The following GARNL3 variants were observed in gnomAD, a reference collection of about 807,000 sequenced individuals.
The protein encoded by GARNL3 is GTPase-activating Rap/Ran-GAP domain-like protein 3.
In GARNL3, 63 loss-of-function variants were observed where a neutral mutation model predicts 125.0. The ratio of observed to expected loss-of-function variants is 0.50; its 90% CI spans 0.41 to 0.62. The LOEUF (loss-of-function observed/expected upper bound fraction) is 0.62, where lower values mean the gene tolerates loss of function less well. Among genes scored for constraint, GARNL3 ranks in the 20% least tolerant of loss-of-function variants. GARNL3 has a pLI of 0.00. For synonymous variants in GARNL3, 439 were observed against 457.5 expected, an observed-to-expected ratio of 0.96 and a Z score of 0.52; for missense variants, 994 against 1,244.0, an observed-to-expected ratio of 0.80 and a Z score of 3.02.
chr9:127,272,478 G>T (rs1405179069), intron 1 of GARNL3, among the ~76,000 whole-genome samples: 2 of 149,362 alleles, frequency 1.3e-5, no homozygotes, highest in African/African-American at 2.6e-5. Flanking sequence ...GTCTCACATA[G>T]CAGGCCAACT....
chr9:127,374,059 T>C (rs1486841489), intron 22 of GARNL3, among the ~76,000 whole-genome samples: 1 of 151,852 alleles, frequency 6.6e-6, no homozygotes, highest in Non-Finnish European at 1.5e-5. Flanking sequence ...CCAGGCACTT[T>C]AGGAGGCCGA....
intron 2 of GARNL3, chr9:127,300,781 G>A (rs1176192729): frequency 7.9e-6 from 3 of 377,586 alleles, no homozygotes; most frequent in South Asian, 4.1e-5. Context: ...TCTACAGTAA[G>A]TTTTGCAGAT....
chr9:127,317,104 G>A (rs968715732), intron 4 of GARNL3, among the ~76,000 whole-genome samples: 1 of 152,144 alleles, frequency 6.6e-6, no homozygotes, highest in African/African-American at 2.4e-5. Flanking sequence ...TAGACGATTA[G>A]GAAGAGAATA....
At chr9:127,235,225 T>C (rs757972906) in intron 1 of GARNL3, among the ~76,000 whole-genome samples, 10 of 151,184 alleles carry the variant, frequency 6.6e-5, no homozygotes, top group Non-Finnish European at 1.3e-4. Flanking sequence ...TTTACACTTA[T>C]AGCACATCTC....
intron 21 of GARNL3, among the ~76,000 whole-genome samples, chr9:127,359,966 T>G (rs1830896730): frequency 6.6e-6 from 1 of 152,090 alleles, no homozygotes; most frequent in South Asian, 2.1e-4. Flanking sequence ...CTCTCTTCTA[T>G]GTGCTTCTTA....
chr9:127,290,449 A>G (rs368590181), intron 1 of GARNL3, among the ~76,000 whole-genome samples: 37 of 152,318 alleles, frequency 2.4e-4, no homozygotes, highest in African/African-American at 8.9e-4. Flanking sequence ...TCTGCTGCAG[A>G]TCTTTGTTGC....
intron 20 of GARNL3, among the ~76,000 whole-genome samples, chr9:127,355,968 G>A (rs778997693): frequency 5.3e-5 from 8 of 152,152 alleles, no homozygotes; most frequent in Admixed American, 6.5e-5. Flanking sequence ...GGATATTCCA[G>A]GCAGAGGGAG....
intron 2 of GARNL3, among the ~76,000 whole-genome samples, chr9:127,291,690 G>C (rs527854143): frequency 3.3e-5 from 5 of 149,684 alleles, no homozygotes; most frequent in African/African-American, 1.2e-4. Context: ...GGGCTCTCTG[G>C]GTCTTCCTTG....
At chr9:127,313,267 G>A in intron 3 of GARNL3, 174 bp from the exon 4 acceptor site, 1 of 612,874 alleles carries the variant, frequency 1.6e-6, no homozygotes, top group Non-Finnish European at 2.9e-6. Context: ...TCACTAGCAA[G>A]GGGCAGAGGA....
At chr9:127,342,681 C>G (rs1829925354) in intron 14 of GARNL3, among the ~76,000 whole-genome samples, 1 of 151,966 alleles carries the variant, frequency 6.6e-6, no homozygotes, top group African/African-American at 2.4e-5. Flanking sequence ...TCAGCATTGC[C>G]AGTCACATGA....
intron 22 of GARNL3, among the ~76,000 whole-genome samples, chr9:127,378,765 T>TTTTGTTTG: frequency 6.6e-6 from 1 of 152,096 alleles, no homozygotes; most frequent in African/African-American, 2.4e-5. Flanking sequence ...TATATATATT[T>TTTTGTTTG]TTTGTTTGTT....
chr9:127,331,688 G>A (rs1305175573), intron 7 of GARNL3, among the ~76,000 whole-genome samples: 1 of 117,424 alleles, frequency 8.5e-6, no homozygotes, highest in East Asian at 3.2e-4. Flanking sequence ...TTGCACATTT[G>A]TACCAGCTAC....
At chr9:127,252,706 A>G (rs1235690686) in intron 2 of GARNL3, among the ~76,000 whole-genome samples, 1 of 152,128 alleles carries the variant, frequency 6.6e-6, no homozygotes, top group African/African-American at 2.4e-5. Context: ...CAAGTTCTAT[A>G]TTTTCTGTAT....
intron 22 of GARNL3, among the ~76,000 whole-genome samples, chr9:127,379,011 CAA>C (rs765562004): frequency 6.6e-6 from 1 of 152,168 alleles, no homozygotes; most frequent in African/African-American, 2.4e-5. Context: ...CTCCTGACCT[CAA>C]GTGATCTGCC....
intron 2 of GARNL3, among the ~76,000 whole-genome samples, chr9:127,246,561 T>A (rs572899806): frequency 6.6e-6 from 1 of 152,300 alleles, no homozygotes; most frequent in African/African-American, 2.4e-5. Flanking sequence ...ATCCCAGGAC[T>A]TTGAGAGGCC....
chr9:127,385,016 T>C lies in GARNL3; in HGVS notation c.2270-11T>C. ...CAGCAGCTGGGAGGTGACACTCCCG[T>C]TCCCTTGCAGTCTGTGCTTTCCCGT... On this transcript the variant is annotated splice_polypyrimidine_tract_variant and intron_variant, in intron 23 of 27. Transcript: ENST00000373387. The surrounding 1 kb of genome is among the most constrained non-coding windows in gnomAD (Gnocchi z 4.1). 6.3e-7 allele frequency: 1 copy of C among 1,578,456 alleles called. No individual in the cohort carries two copies. Among genetic ancestry groups the C allele is most frequent in the Non-Finnish European group, 8.7e-7 (1 of 1,152,446 alleles).
At chr9:127,275,092 T>C (rs1177204406) in intron 1 of GARNL3, among the ~76,000 whole-genome samples, 1 of 152,232 alleles carries the variant, frequency 6.6e-6, no homozygotes, top group Non-Finnish European at 1.5e-5. Flanking sequence ...TTAAAATATA[T>C]AATGTAATAT....
Position 127,385,055 on chromosome 9 carries a change from C to T in GARNL3, c.2298C>T (p.Phe766=). 1 of 1,611,570 alleles carries T rather than the reference C, an allele frequency of 6.2e-7. No homozygotes were observed. The highest frequency in any genetic ancestry group is 8.5e-7 in the Non-Finnish European group (1 of 1,178,526). Residue 766 remains phenylalanine (F), a synonymous_variant, in exon 24 of 28, where the codon TTC becomes TTT. Coordinates refer to ENST00000373387, the MANE Select transcript of GARNL3 (RefSeq NM_032293.5). The surrounding 1 kb of genome is among the most constrained non-coding windows in gnomAD (Gnocchi z 4.1). ...GTGCTTTCCCGTATCTCCTGGCCTT[C>T]ACCACCGACTCCATGGAGATCCGCC... ...IVCAFPYLLA[F]TTDSMEIRLV...
chr9:127,239,664 TAGTG>T (rs2063170285), intron 1 of GARNL3, among the ~76,000 whole-genome samples: 1 of 152,310 alleles, frequency 6.6e-6, no homozygotes, highest in South Asian at 2.1e-4. Flanking sequence ...ATATTTTAAA[TAGTG>T]AGAAGATAAA....
Sources: gnomAD v4.1 joint callset for allele counts (sites outside exome capture counted in the v4.1 genomes callset) on GRCh38, gnomAD v4.1.1 for gene constraint, Gnocchi (gnomAD v3.1) non-coding constraint, MANE v1.5 for transcripts, NCBI Gene and HGNC (gene_info 2026-07-23, HGNC 2026-07-21) for gene names.